TMEM178B: variants seen among roughly 807,000 people sequenced by gnomAD.
The protein encoded by TMEM178B is transmembrane protein 178B.
In TMEM178B, 5 loss-of-function variants were observed where a neutral mutation model predicts 31.0. That is an observed-to-expected ratio of 0.16 (90% CI 0.08 to 0.34). TMEM178B has a LOEUF of 0.34. TMEM178B is among the 10% of genes least tolerant of loss of function. The probability of loss-of-function intolerance (pLI) is 1.00; values close to 1 mark genes in which losing one functional copy is unlikely to be tolerated. For missense variants in TMEM178B, 275 were observed against 400.3 expected (o/e 0.69, Z 2.67); for synonymous variants, 164 against 164.0 (o/e 1.00, Z 0.00).
intron 2 of TMEM178B, among the ~76,000 whole-genome samples, chr7:141,425,623 C>T (rs978807070): frequency 6.6e-6 from 1 of 152,112 alleles, no homozygotes; most frequent in African/African-American, 2.4e-5. Flanking sequence ...GGGTTTGCGA[C>T]TCTGCCTCTT....
intron 1 of TMEM178B, among the ~76,000 whole-genome samples, chr7:141,166,678 AG>A (rs1416969028): frequency 6.6e-6 from 1 of 152,230 alleles, no homozygotes; most frequent in Admixed American, 6.5e-5. Context: ...TTCATGTATC[AG>A]GTGCTCCTTT....
chr7:141,396,340 C>T (rs1235808353), intron 2 of TMEM178B, among the ~76,000 whole-genome samples: 1 of 152,238 alleles, frequency 6.6e-6, no homozygotes, highest in African/African-American at 2.4e-5. Flanking sequence ...TACCCTACCA[C>T]TTTCCCATCG....
At chr7:141,281,947 G>A (rs968325670) in intron 2 of TMEM178B, among the ~76,000 whole-genome samples, 1 of 152,202 alleles carries the variant, frequency 6.6e-6, no homozygotes, top group African/African-American at 2.4e-5. Flanking sequence ...AGAGTGATGT[G>A]ATTGGATTTG....
chr7:141,477,128 G>A lies in TMEM178B; in HGVS notation c.*6342G>A, dbSNP rs4726454. 0.045 allele frequency: 6,936 copies of A among 154,752 alleles called. 381 individuals carry two copies. The highest frequency in any genetic ancestry group is 0.22 in the East Asian group (1,150 of 5,166). 9.6% of individuals were successfully genotyped at this position (154,752 alleles called of 1,614,324 possible). ...TCCGGGTCACCCATAGACCCTCTCC[G>A]TCTGTACCAGTGCGTCTGTGTTGTG... On this transcript the variant is annotated 3_prime_UTR_variant, in exon 4 of 4. Coordinates refer to ENST00000565468, the MANE Select transcript of TMEM178B (RefSeq NM_001195278.2).
chr7:141,219,938 T>C (rs973600213), intron 2 of TMEM178B, among the ~76,000 whole-genome samples: 1 of 152,158 alleles, frequency 6.6e-6, no homozygotes, highest in Non-Finnish European at 1.5e-5. Context: ...TTGGATTACC[T>C]TCCCTGGATA....
chr7:141,270,986 C>T (rs1798171804), intron 2 of TMEM178B, among the ~76,000 whole-genome samples: 1 of 152,188 alleles, frequency 6.6e-6, no homozygotes, highest in Admixed American at 6.5e-5. Context: ...CAGGCAGGTA[C>T]ATTGCAGGCC....
Position 141,101,908 on chromosome 7 carries a change from C to T in TMEM178B, c.382+27216C>T, listed in dbSNP as rs949713481. The stretch of plus-strand genomic sequence containing the variant: ...CAGGTGCCTGGATAGTGTGTGTTAA[C>T]GTGTGTGTGTGTGTGTGTGTGTGTG... On this transcript the variant is annotated intron_variant, in intron 1 of 3. Coordinates refer to ENST00000565468, the MANE Select transcript of TMEM178B (RefSeq NM_001195278.2). Among the ~76,000 whole-genome samples, 21 of 142,806 alleles carry T rather than the reference C, an allele frequency of 1.5e-4. No homozygotes were observed. In the South Asian group the frequency reaches 1.6e-3, roughly 11 times the overall value. 93.7% of individuals were successfully genotyped at this position (142,806 alleles called of 152,430 possible). A position where few individuals can be genotyped will look rare whatever the true frequency, so the allele number is the denominator to read the frequency against.
At chr7:141,350,632 A>G (rs1442107643) in intron 2 of TMEM178B, among the ~76,000 whole-genome samples, 1 of 152,248 alleles carries the variant, frequency 6.6e-6, no homozygotes, top group East Asian at 1.9e-4. Context: ...GGAGATGATT[A>G]AAGTAATGTT....
rs145915006 is a variant in TMEM178B, at chr7:141,107,220, A to C, written c.382+32528A>C. 6.6e-3 allele frequency among the ~76,000 whole-genome samples: 1,007 copies of C among 152,326 alleles called. 12 individuals carry two copies. The highest frequency in any genetic ancestry group is 0.023 in the African/African-American group (958 of 41,578). On this transcript the variant is annotated intron_variant, in intron 1 of 3. Transcript: ENST00000565468. ...GAGTAGAGTGAGTGAGGGATAGAGC[A>C]GTAGAAGATGTGGTCACATAGGGCC...
chr7:141,460,930 G>A (rs561719280), intron 3 of TMEM178B, among the ~76,000 whole-genome samples: 5 of 152,306 alleles, frequency 3.3e-5, no homozygotes, highest in African/African-American at 1.2e-4. Context: ...GTAAAACCCT[G>A]TGACCTGCCT....
intron 3 of TMEM178B, among the ~76,000 whole-genome samples, chr7:141,454,612 C>CTTCCT (rs954570335): frequency 1.3e-5 from 2 of 149,288 alleles, no homozygotes; most frequent in African/African-American, 4.9e-5. Context: ...CCTTCCTCTC[C>CTTCCT]TTCCTTTCCT....
chr7:141,243,388 C>T (rs7796200), intron 2 of TMEM178B, among the ~76,000 whole-genome samples: 59,659 of 151,730 alleles, frequency 0.39, 12,036 homozygotes, highest in East Asian at 0.66. Context: ...GGGTGGAGCG[C>T]GGTCAGCTCT....
chr7:141,190,491 T>A (rs1007014089), intron 1 of TMEM178B, among the ~76,000 whole-genome samples: 3 of 151,518 alleles, frequency 2.0e-5, no homozygotes, highest in African/African-American at 7.3e-5. Context: ...TTTTTTTTTA[T>A]ATAGAGATGA....
intron 2 of TMEM178B, among the ~76,000 whole-genome samples, chr7:141,412,258 A>G (rs937262376): frequency 6.6e-5 from 10 of 152,344 alleles, no homozygotes; most frequent in African/African-American, 1.9e-4. Context: ...TGGTGAATCA[A>G]TGTTGTCATT....
chr7:141,497,411 CTTAACT>C, the TMEM178B span, among the ~76,000 whole-genome samples: 3 of 152,304 alleles, frequency 2.0e-5, no homozygotes, highest in South Asian at 2.1e-4. Flanking sequence ...ACCCAAATTC[CTTAACT>C]TTAAGTTGTG....
At position 141,476,472 on chromosome 7, in the gene TMEM178B, C is replaced by T. The variant is rs1019690065; in HGVS notation, c.*5686C>T. 8.6e-5 allele frequency: 13 copies of T among 151,898 alleles called. No homozygotes were observed. Among genetic ancestry groups the T allele is most frequent in the Non-Finnish European group, 1.8e-4 (12 of 67,980 alleles). The allele number at this position is 151,898 out of a possible 1,614,324, so 9.4% of individuals were successfully genotyped here. The stretch of plus-strand genomic sequence containing the variant: ...TTTTTTAATTCTCCTAACGTTATTT[C>T]TAGCTGTACATTCCCAAAAGGAATG... On this transcript the variant is annotated 3_prime_UTR_variant, in exon 4 of 4. Coordinates refer to ENST00000565468, the MANE Select transcript of TMEM178B (RefSeq NM_001195278.2).
At chr7:141,224,056 T>C (rs1046191482) in intron 2 of TMEM178B, among the ~76,000 whole-genome samples, 2 of 152,204 alleles carry the variant, frequency 1.3e-5, no homozygotes, top group African/African-American at 4.8e-5. Flanking sequence ...CTCATTGTAG[T>C]GAATAAGTCT....
intron 2 of TMEM178B, among the ~76,000 whole-genome samples, chr7:141,238,977 C>A (rs868630452): frequency 4.5e-4 from 69 of 152,284 alleles, no homozygotes; most frequent in African/African-American, 1.4e-3. Context: ...CTATTCTCTG[C>A]CCAATAGAGC....
At chr7:141,091,242 G>A (rs1011357598) in intron 1 of TMEM178B, among the ~76,000 whole-genome samples, 1 of 152,128 alleles carries the variant, frequency 6.6e-6, no homozygotes, top group African/African-American at 2.4e-5. Flanking sequence ...TTTGTGGTTT[G>A]AAGAGCTGGC....
Sources: allele counts gnomAD v4.1 joint callset (sites outside exome capture counted in the v4.1 genomes callset), GRCh38; gene constraint gnomAD v4.1.1; transcripts MANE v1.5; gene names NCBI Gene and HGNC (gene_info 2026-07-23, HGNC 2026-07-21).